The following ACTA2 variants were observed in gnomAD, a reference collection of about 807,000 sequenced individuals.
ACTA2 encodes the protein actin, aortic smooth muscle.
A neutral mutation model predicts 39.5 loss-of-function variants in ACTA2; 12 were observed. The ratio of observed to expected loss-of-function variants is 0.30; its 90% CI spans 0.19 to 0.49. ACTA2 has a LOEUF of 0.49. Ranked by LOEUF, ACTA2 falls within the 20% of genes least tolerant of loss-of-function variation. ACTA2 has a pLI of 0.99. For missense variants in ACTA2, 236 were observed against 498.8 expected (o/e 0.47, Z 5.02); for synonymous variants, 158 against 180.6 (o/e 0.88, Z 1.00).
intron 1 of ACTA2, among the ~76,000 whole-genome samples, chr10:88,976,251 GA>G (rs1274409416): frequency 6.6e-6 from 1 of 152,130 alleles, no homozygotes; most frequent in Non-Finnish European, 1.5e-5. Context: ...GAAAGTTTAC[GA>G]ATTCGTGTTG....
chr10:88,969,484 G>A (rs1846384309), intron 1 of ACTA2, among the ~76,000 whole-genome samples: 1 of 152,168 alleles, frequency 6.6e-6, no homozygotes, highest in South Asian at 2.1e-4. Context: ...TTGTGCAAAG[G>A]AGACTTTCAG....
Position 88,948,856 on chromosome 10 carries a change from C to T in ACTA2, c.75G>A (p.Gly25=). The change falls in exon 2 of 9, where the codon GGG becomes GGA. Residue 25 remains glycine, a synonymous_variant. Transcript: ENST00000224784. ...GGAAAACAGCCCTGGGAGCATCGTC[C>T]CCAGCAAAGCCGGCCTTACAGAGCC... ...GSGLCKAGFA[G]DDAPRAVFPS... The T allele has an allele frequency of 2.5e-6, 4 of 1,613,950 alleles. No homozygotes were observed. The highest frequency in any genetic ancestry group is 3.4e-6 in the Non-Finnish European group (4 of 1,179,910).
At chr10:88,938,460 GGT>G in intron 7 of ACTA2, 2 of 573,816 alleles carry the variant, frequency 3.5e-6, no homozygotes, top group East Asian at 3.1e-5. Context: ...AGCATCCTGA[GGT>G]GTGGGCTACA....
intron 1 of ACTA2, among the ~76,000 whole-genome samples, chr10:88,979,612 CT>C (rs550424129): frequency 5.5e-4 from 79 of 143,200 alleles, no homozygotes; most frequent in African/African-American, 1.7e-3. Context: ...TTAATGATGA[CT>C]TTTTTTTTTT....
chr10:88,941,916 C>G (rs1340469599), intron 4 of ACTA2, 47 bp from the exon 5 acceptor site: 1 of 1,547,792 alleles, frequency 6.5e-7, no homozygotes, highest in African/African-American at 1.4e-5. Context: ...GCCCATCTGA[C>G]AAAGAATGGT....
intron 1 of ACTA2, among the ~76,000 whole-genome samples, chr10:88,971,672 T>A (rs1433310171): frequency 1.3e-5 from 2 of 152,216 alleles, no homozygotes; most frequent in East Asian, 3.9e-4. Flanking sequence ...TTTTTGTAAC[T>A]AATAGGACAC....
chr10:88,935,525 T>A, intron 8 of ACTA2, 159 bp from the exon 9 acceptor site: 1 of 796,734 alleles, frequency 1.3e-6, no homozygotes, highest in Non-Finnish European at 2.1e-6. Flanking sequence ...AATTGTGTCA[T>A]GTTCTTGGCA....
Position 88,948,787 on chromosome 10 carries a change from C to G in ACTA2, c.129+15G>C, listed in dbSNP as rs755121771. 1 of 1,613,720 alleles carries G rather than the reference C, an allele frequency of 6.2e-7. No homozygotes were observed. Among genetic ancestry groups the G allele is most frequent in the Admixed American group, 1.7e-5 (1 of 60,008 alleles). Reference sequence around the variant, plus strand: ...AATCTGTGTCCTGTTATGTTCCAATCATAATTTTCCTCACCTGATGTCTGG... The same window carrying G: ...AATCTGTGTCCTGTTATGTTCCAATGATAATTTTCCTCACCTGATGTCTGG... On this transcript the variant is annotated intron_variant, in intron 2 of 8. Transcript: ENST00000224784.
intron 7 of ACTA2, 192 bp from the exon 8 acceptor site, chr10:88,938,434 G>T: frequency 1.6e-6 from 1 of 632,760 alleles, no homozygotes; most frequent in Non-Finnish European, 2.8e-6. Context: ...GCCTTCTAAT[G>T]AGGAAGGCCT....
intron 3 of ACTA2, 46 bp downstream of exon 3, chr10:88,947,212 G>C: frequency 6.2e-7 from 1 of 1,612,910 alleles, no homozygotes; most frequent in Non-Finnish European, 8.5e-7. Flanking sequence ...AGAGAACACA[G>C]GGATTATGCA....
exon 1 of ACTA2, chr10:88,991,062 C>A: frequency 1.1e-6 from 1 of 917,896 alleles, no homozygotes; most frequent in Non-Finnish European, 1.7e-6. Context: ...TGGAGACTGG[C>A]TCCCGGGGGC....
chr10:88,944,820 C>A (rs1324406995), intron 3 of ACTA2, among the ~76,000 whole-genome samples: 1 of 152,130 alleles, frequency 6.6e-6, no homozygotes, highest in Non-Finnish European at 1.5e-5. Flanking sequence ...GCAAAAAGGA[C>A]TAAATTAATT....
intron 1 of ACTA2, among the ~76,000 whole-genome samples, chr10:88,983,638 AACACAC>A (rs755182708): frequency 3.5e-4 from 36 of 102,870 alleles, no homozygotes; most frequent in South Asian, 1.2e-3. Flanking sequence ...AAAAAAAAAA[AACACAC>A]ACACACACAC....
At chr10:88,952,795 G>A (rs953305832), upstream of ACTA2, 1 of 152,386 alleles carries the variant, frequency 6.6e-6, no homozygotes, top group African/African-American at 2.4e-5. Context: ...AAGCTGAAGG[G>A]TTATATAGCC....
At chr10:88,984,318 G>A (rs565845474) in intron 1 of ACTA2, among the ~76,000 whole-genome samples, 4 of 152,290 alleles carry the variant, frequency 2.6e-5, no homozygotes, top group Middle Eastern at 3.4e-3. Flanking sequence ...TCTAAAGTGG[G>A]AGGTGTTGAT....
At chr10:88,939,944 C>G in intron 6 of ACTA2, 3 of 543,362 alleles carry the variant, frequency 5.5e-6, no homozygotes, top group Non-Finnish European at 6.7e-6. Context: ...AAATGCATAA[C>G]AAGAATAAAA....
rs942599042 is a variant in ACTA2 at position 88,941,721 on chromosome 10, G to A, written c.454+64C>T. On this transcript the variant is annotated intron_variant, in intron 5 of 8. Transcript: ENST00000224784. ...CAGTCCGTCACCCCCACGTGTTAAC[G>A]ACCATTCAATCCCATCTCTGGCAGT... The A allele has an allele frequency of 2.2e-5, 32 of 1,441,644 alleles. No individual in the cohort carries two copies. The African/African-American group carries it at 3.2e-4, about 15-fold the overall frequency. 89.3% of individuals were successfully genotyped at this position (1,441,644 alleles called of 1,614,324 possible).
chr10:88,961,612 C>T (rs1846227568), intron 1 of ACTA2, among the ~76,000 whole-genome samples: 1 of 152,124 alleles, frequency 6.6e-6, no homozygotes, highest in African/African-American at 2.4e-5. Flanking sequence ...GAGAGAGACC[C>T]TCAGTGTAGA....
chr10:88,966,640 A>T (rs760408409), intron 1 of ACTA2, among the ~76,000 whole-genome samples: 2 of 152,172 alleles, frequency 1.3e-5, no homozygotes, highest in Non-Finnish European at 2.9e-5. Flanking sequence ...TGTCCCGGGA[A>T]CCATGATCTC....
Sources: allele counts gnomAD v4.1 joint callset (sites outside exome capture counted in the v4.1 genomes callset), GRCh38; gene constraint gnomAD v4.1.1; transcripts MANE v1.5; gene names NCBI Gene and HGNC (gene_info 2026-07-23, HGNC 2026-07-21).